Variants in TMIE observed in about 807,000 individuals in gnomAD.
The protein encoded by TMIE is transmembrane inner ear, also known as transmembrane inner ear expressed protein.
Under a neutral mutation model 16.8 loss-of-function variants are expected in TMIE, and 14 were observed. That is an observed-to-expected ratio of 0.83 (90% CI 0.55 to 1.30). The LOEUF (loss-of-function observed/expected upper bound fraction) is 1.30, where lower values mean the gene tolerates loss of function less well. Among genes scored for constraint, TMIE ranks in the 50% most tolerant of loss-of-function variants. The pLI, the probability that TMIE is intolerant of heterozygous loss-of-function variation, is 0.00. For synonymous variants in TMIE, 75 were observed against 87.2 expected (o/e 0.86, Z 0.78); for missense variants, 204 against 205.9 (o/e 0.99, Z 0.06).
chr3:46,709,630 C>T lies in TMIE; in HGVS notation c.413C>T (p.Ala138Val), dbSNP rs746977901. 1.2e-5 allele frequency: 20 copies of T among 1,613,496 alleles called. No homozygotes were observed. Among genetic ancestry groups the T allele is most frequent in the Non-Finnish European group, 1.3e-5 (15 of 1,179,770 alleles). Reference protein sequence around the residue: ...KKKKDSVDTVAIKVEEDEKNE... With the variant: ...KKKKDSVDTVVIKVEEDEKNE... ...AAGAAGGACAGTGTGGACACAGTGG[C>T]CATCAAAGTAGAGGAGGATGAGAAG... The change falls in exon 4 of 4, where the codon GCC becomes GTC. Residue 138 changes from alanine (A) to valine (V), a missense_variant. Physicochemically the swap from Ala to Val is moderately conservative, Grantham distance 64. Coordinates refer to ENST00000643606, the MANE Select transcript of TMIE (RefSeq NM_147196.3).
chr3:46,702,556 G>A (rs1218335748), intron 1 of TMIE, among the ~76,000 whole-genome samples: 4 of 152,122 alleles, frequency 2.6e-5, no homozygotes, highest in Non-Finnish European at 4.4e-5. Context: ...GCAGGGGATG[G>A]AGGCTGTGCA....
At chr3:46,699,057 C>CTTTTTTTTTTTTTTT (rs1246748003), upstream of TMIE, among the ~76,000 whole-genome samples, 2 of 65,292 alleles carry the variant, frequency 3.1e-5, no homozygotes. Context: ...AATGGTGTTT[C>CTTTTTTTTTTTTTTT]TTATTTTTTT....
intron 1 of TMIE, among the ~76,000 whole-genome samples, chr3:46,695,262 C>T (rs554596082): frequency 2.3e-4 from 35 of 152,344 alleles, no homozygotes; most frequent in African/African-American, 8.2e-4. Context: ...CTGTGGGGAT[C>T]CTTTGTGCCT....
Position 46,709,564 on chromosome 3 carries a change from C to T in TMIE, c.362-15C>T. On this transcript the variant is annotated splice_polypyrimidine_tract_variant and intron_variant, in intron 3 of 3. Coordinates refer to ENST00000643606, the MANE Select transcript of TMIE (RefSeq NM_147196.3). Reference sequence around the variant, plus strand: ...TCTCACCACTATCACATGGTCTCTTCCCCCTGCCCCACAGAGGATAAGAAG... The same window carrying T: ...TCTCACCACTATCACATGGTCTCTTTCCCCTGCCCCACAGAGGATAAGAAG... 6.2e-7 allele frequency: 1 copy of T among 1,604,782 alleles called. No homozygotes were observed. Among genetic ancestry groups the T allele is most frequent in the East Asian group, 2.2e-5 (1 of 44,686 alleles).
chr3:46,699,990 G>A (rs1235724558), upstream of TMIE, among the ~76,000 whole-genome samples: 1 of 152,226 alleles, frequency 6.6e-6, no homozygotes, highest in African/African-American at 2.4e-5. Context: ...CAGCCTCCCT[G>A]ACCCCATGTC....
At chr3:46,704,659 GGGCC>G in intron 1 of TMIE, among the ~76,000 whole-genome samples, 2 of 145,600 alleles carry the variant, frequency 1.4e-5, no homozygotes, top group Admixed American at 6.8e-5. Context: ...TAGACACCCA[GGGCC>G]AGGGTCATGT....
intron 2 of TMIE, among the ~76,000 whole-genome samples, chr3:46,707,949 C>T (rs759142635): frequency 2.0e-5 from 3 of 152,154 alleles, no homozygotes; most frequent in Non-Finnish European, 2.9e-5. Flanking sequence ...AATCCAGGAC[C>T]CAGCTTCTTG....
At chr3:46,702,957 G>A (rs182083319) in intron 1 of TMIE, among the ~76,000 whole-genome samples, 2 of 152,146 alleles carry the variant, frequency 1.3e-5, no homozygotes, top group Non-Finnish European at 2.9e-5. Context: ...AAAGCTGGGG[G>A]TGGGGGTTAA....
chr3:46,709,968 G>T lies in TMIE; in HGVS notation c.*280G>T. ...GCCACCGTCCCTCTGCAGATACACT[G>T]CTCTCCCCACCCAGACCTGCCTGTC... On this transcript the variant is annotated 3_prime_UTR_variant, in exon 4 of 4. Transcript: ENST00000643606. 1 of 503,324 alleles carries T rather than the reference G, an allele frequency of 2.0e-6. No individual in the cohort carries two copies. The highest frequency in any genetic ancestry group is 2.0e-5 in the South Asian group (1 of 49,396). The allele number at this position is 503,324 out of a possible 1,614,324, so 31.2% of individuals were successfully genotyped here.
At chr3:46,703,819 G>A (rs914282514) in intron 1 of TMIE, among the ~76,000 whole-genome samples, 4 of 152,122 alleles carry the variant, frequency 2.6e-5, no homozygotes, top group Non-Finnish European at 5.9e-5. Context: ...CCATGTTTAC[G>A]GACCTGGGGG....
At chr3:46,702,385 G>A (rs979487379) in intron 1 of TMIE, among the ~76,000 whole-genome samples, 1 of 152,098 alleles carries the variant, frequency 6.6e-6, no homozygotes, top group Admixed American at 6.5e-5. Flanking sequence ...AGCCTGGCTG[G>A]GGCCAGGAAG....
intron 1 of TMIE, among the ~76,000 whole-genome samples, chr3:46,704,152 C>T (rs945756991): frequency 2.0e-5 from 3 of 151,480 alleles, no homozygotes; most frequent in Non-Finnish European, 4.4e-5. Context: ...AGGGCAGGAC[C>T]GTGTCCCCTA....
intron 1 of TMIE, among the ~76,000 whole-genome samples, chr3:46,704,689 G>T (rs1428489010): frequency 1.4e-5 from 2 of 139,294 alleles, no homozygotes; most frequent in Non-Finnish European, 3.1e-5. Context: ...GACACCCAGG[G>T]TGAAGCACGT....
chr3:46,698,133 A>G (rs1179786700), upstream of TMIE, among the ~76,000 whole-genome samples: 1 of 151,814 alleles, frequency 6.6e-6, no homozygotes, highest in Non-Finnish European at 1.5e-5. Flanking sequence ...AGCTCACTGC[A>G]ACCACCTCCT....
chr3:46,707,407 T>G (rs7610936), intron 2 of TMIE, among the ~76,000 whole-genome samples: 34,625 of 152,138 alleles, frequency 0.23, 6,508 homozygotes, highest in African/African-American at 0.52. Context: ...CCAAGACACC[T>G]GAGCAGCAGG....
In TMIE at chr3:46,701,518, T is replaced by C. The variant is rs920929831; in HGVS notation, c.31T>C (p.Cys11Arg). Residue 11 changes from cysteine (C) to arginine (R), a missense_variant, in exon 1 of 4, where the codon TGC becomes CGC. Coordinates refer to ENST00000643606, the MANE Select transcript of TMIE (RefSeq NM_147196.3). The surrounding 1 kb of genome is among the most constrained non-coding windows in gnomAD (Gnocchi z 4.3). ...GGGGTGGCCGGGCGCGGGTCCCCTCTGCGTGCTGGGCGGCGCCGCACTCGG... is the reference window on the plus strand; with the variant it reads ...GGGGTGGCCGGGCGCGGGTCCCCTCCGCGTGCTGGGCGGCGCCGCACTCGG... Reference protein sequence around the residue: MAGWPGAGPLCVLGGAALGVC... With the variant: MAGWPGAGPLRVLGGAALGVC... The C allele has an allele frequency of 2.5e-5, 33 of 1,331,550 alleles. No individual in the cohort carries two copies. The highest frequency in any genetic ancestry group is 4.1e-5 in the Admixed American group (1 of 24,280). 82.5% of individuals were successfully genotyped at this position (1,331,550 alleles called of 1,614,324 possible).
Position 46,709,220 on chromosome 3 carries a change from C to T in TMIE, c.306C>T (p.Tyr102=). ...RYLQRKAAKM[Y]TDKLETVPPL... The stretch of plus-strand genomic sequence containing the variant: ...TGCAGCGAAAGGCAGCCAAGATGTA[C>T]ACAGACAAGCTGGAGACTGTGCCAC... Residue 102 remains tyrosine, a synonymous_variant, in exon 3 of 4, where the codon TAC becomes TAT. Transcript: ENST00000643606. The T allele has an allele frequency of 1.9e-6, 3 of 1,614,184 alleles. No homozygotes were observed. Among genetic ancestry groups the T allele is most frequent in the Non-Finnish European group, 2.5e-6 (3 of 1,180,044 alleles).
Position 46,701,650 on chromosome 3 carries a change from G to A in TMIE, c.93+70G>A. ...GGCAGGGGGCTGGGGGAGAGGGGAC[G>A]CCTTTTTGATCCGGAGCTTGTTTGA... is the stretch of plus-strand genomic sequence containing the variant. On this transcript the variant is annotated intron_variant, in intron 1 of 3. Coordinates refer to ENST00000643606, the MANE Select transcript of TMIE (RefSeq NM_147196.3). The surrounding 1 kb of genome is among the most constrained non-coding windows in gnomAD (Gnocchi z 4.3). The A allele has an allele frequency of 4.3e-6, 5 of 1,175,434 alleles. No individual in the cohort carries two copies. Among genetic ancestry groups the A allele is most frequent in the South Asian group, 3.3e-5 (1 of 30,762 alleles). The allele number at this position is 1,175,434 out of a possible 1,614,324, so 72.8% of individuals were successfully genotyped here. A position where few individuals can be genotyped will look rare whatever the true frequency, so the allele number is the denominator to read the frequency against.
chr3:46,700,956 C>A (rs969239814), upstream of TMIE, among the ~76,000 whole-genome samples: 1 of 152,020 alleles, frequency 6.6e-6, no homozygotes, highest in Non-Finnish European at 1.5e-5. Flanking sequence ...ACCAGAGCCG[C>A]CTCTGGGCAG....
Sources: allele counts gnomAD v4.1 joint callset (sites outside exome capture counted in the v4.1 genomes callset), GRCh38; gene constraint gnomAD v4.1.1; non-coding constraint Gnocchi (gnomAD v3.1); transcripts MANE v1.5; gene names NCBI Gene and HGNC (gene_info 2026-07-23, HGNC 2026-07-21).